Variants in ACTR3C observed in about 807,000 individuals in gnomAD.
The protein encoded by ACTR3C is actin related protein 3C.
In ACTR3C, 18 loss-of-function variants were observed where a neutral mutation model predicts 26.3. The ratio of observed to expected loss-of-function variants is 0.68; its 90% confidence interval spans 0.47 to 1.01. The LOEUF (loss-of-function observed/expected upper bound fraction) is 1.01, where lower values mean the gene tolerates loss of function less well. ACTR3C is among the 50% of genes least tolerant of loss of function. ACTR3C has a pLI of 0.00. For synonymous variants in ACTR3C, 55 were observed against 94.5 expected (o/e 0.58, Z 2.42); for missense variants, 184 against 250.7 (o/e 0.73, Z 1.80).
the ACTR3C span, among the ~76,000 whole-genome samples, chr7:150,206,113 G>T: frequency 6.6e-6 from 1 of 152,162 alleles, no homozygotes; most frequent in Non-Finnish European, 1.5e-5. Context: ...ACTTTTCAGG[G>T]CCTCATGATT....
the ACTR3C span, among the ~76,000 whole-genome samples, chr7:150,132,808 T>C: frequency 6.6e-6 from 1 of 152,190 alleles, no homozygotes; most frequent in Non-Finnish European, 1.5e-5. Context: ...CATATGTTCC[T>C]TGCAGCACTA....
chr7:150,272,408 CGTT>C (rs1477547285), intron 6 of ACTR3C, among the ~76,000 whole-genome samples: 5 of 139,274 alleles, frequency 3.6e-5, no homozygotes, highest in African/African-American at 9.2e-5. Flanking sequence ...AGGATTAAAA[CGTT>C]GTCTGAGCTT....
At chr7:149,928,743 T>C in the ACTR3C span, among the ~76,000 whole-genome samples, 8 of 151,506 alleles carry the variant, frequency 5.3e-5, no homozygotes, top group Non-Finnish European at 1.5e-5. Context: ...CTCAGGAGGC[T>C]GGGGCAGGAG....
chr7:150,067,222 A>G, the ACTR3C span, among the ~76,000 whole-genome samples: 2 of 152,248 alleles, frequency 1.3e-5, no homozygotes, highest in Non-Finnish European at 2.9e-5. Context: ...CTTACATTGA[A>G]TTTAAATGCT....
the ACTR3C span, among the ~76,000 whole-genome samples, chr7:149,978,052 A>G: frequency 3.3e-5 from 5 of 151,332 alleles, no homozygotes; most frequent in African/African-American, 1.2e-4. Flanking sequence ...TTCTAGTTTG[A>G]TGTTGTGAGA....
Position 150,286,236 on chromosome 7 carries a change from G to C in ACTR3C, c.471+131C>G, listed in dbSNP as rs574072331. ...AATCTGTCAAGCAGACAAACTGCAT[G>C]GGGGATGCAGAGAGACCGAATGACG... On this transcript the variant is annotated intron_variant, in intron 5 of 7. Transcript: ENST00000683684. 7.0e-3 allele frequency: 8,647 copies of C among 1,243,134 alleles called. 516 individuals carry two copies. In the African/African-American group the frequency reaches 0.13, roughly 19 times the overall value. 77.0% of individuals were successfully genotyped at this position (1,243,134 alleles called of 1,614,324 possible). A position where few individuals can be genotyped will look rare whatever the true frequency, so the allele number is the denominator to read the frequency against.
chr7:150,223,591 T>C, the ACTR3C span, among the ~76,000 whole-genome samples: 1 of 151,936 alleles, frequency 6.6e-6, no homozygotes, highest in Admixed American at 6.6e-5. Context: ...GAGATGCTAC[T>C]TGACTTACAA....
the ACTR3C span, among the ~76,000 whole-genome samples, chr7:150,128,233 C>G: frequency 1.3e-5 from 2 of 152,082 alleles, no homozygotes; most frequent in Admixed American, 6.5e-5. Flanking sequence ...CCTCCTGCCC[C>G]TCAGCTCCTT....
chr7:149,890,258 AT>A, the ACTR3C span, among the ~76,000 whole-genome samples: 1 of 151,732 alleles, frequency 6.6e-6, no homozygotes, highest in Non-Finnish European at 1.5e-5. Flanking sequence ...ACTGCCCTCT[AT>A]AAAGCAAGCA....
chr7:149,891,659 T>C, the ACTR3C span, among the ~76,000 whole-genome samples: 1 of 151,062 alleles, frequency 6.6e-6, no homozygotes, highest in African/African-American at 2.4e-5. Flanking sequence ...ACACTGTCTC[T>C]ACAAAAAATT....
chr7:149,966,391 G>C, the ACTR3C span, among the ~76,000 whole-genome samples: 1 of 152,220 alleles, frequency 6.6e-6, no homozygotes, highest in African/African-American at 2.4e-5. Context: ...TGAGAAACAT[G>C]AGTGTTTCGG....
chr7:150,188,766 T>C, the ACTR3C span, among the ~76,000 whole-genome samples: 1 of 151,686 alleles, frequency 6.6e-6, no homozygotes, highest in Non-Finnish European at 1.5e-5. Context: ...AAAATGGGTA[T>C]ATTTTACTCT....
the ACTR3C span, among the ~76,000 whole-genome samples, chr7:150,067,113 G>T: frequency 6.6e-6 from 1 of 152,250 alleles, no homozygotes; most frequent in African/African-American, 2.4e-5. Flanking sequence ...TCATGAGGAG[G>T]ATGTAGAGCC....
the ACTR3C span, among the ~76,000 whole-genome samples, chr7:150,021,432 T>G: frequency 6.6e-6 from 1 of 150,838 alleles, no homozygotes; most frequent in Non-Finnish European, 1.5e-5. Flanking sequence ...TGAGAGTTAT[T>G]GTCTATTTCA....
At chr7:150,198,720 C>G in the ACTR3C span, among the ~76,000 whole-genome samples, 1 of 149,166 alleles carries the variant, frequency 6.7e-6, no homozygotes, top group Non-Finnish European at 1.5e-5. Context: ...AGGAGCGTCT[C>G]CGCCCGGCAG....
the ACTR3C span, among the ~76,000 whole-genome samples, chr7:149,896,034 C>CAAAAAA: frequency 1.6e-4 from 13 of 83,068 alleles, no homozygotes; most frequent in South Asian, 1.0e-3. Flanking sequence ...CCTGTCTCTA[C>CAAAAAA]AAAAAAAAAA....
At chr7:150,080,686 T>C in the ACTR3C span, among the ~76,000 whole-genome samples, 3 of 152,138 alleles carry the variant, frequency 2.0e-5, no homozygotes, top group African/African-American at 7.2e-5. Flanking sequence ...AGATTCCACA[T>C]GATCACTCAG....
the ACTR3C span, among the ~76,000 whole-genome samples, chr7:150,154,085 AG>A: frequency 2.4e-5 from 2 of 83,072 alleles, no homozygotes; most frequent in African/African-American, 4.7e-5. Context: ...GGGTGGGGGG[AG>A]GGGGGAGGGA....
the ACTR3C span, among the ~76,000 whole-genome samples, chr7:150,039,997 T>C: frequency 7.3e-5 from 10 of 137,798 alleles, 2 homozygotes; most frequent in Non-Finnish European, 1.4e-4. Flanking sequence ...CCCACTGCGA[T>C]AGTGGTCCCA....
Sources: allele counts gnomAD v4.1 joint callset (sites outside exome capture counted in the v4.1 genomes callset), GRCh38; gene constraint gnomAD v4.1.1; transcripts MANE v1.5; gene names NCBI Gene and HGNC (gene_info 2026-07-23, HGNC 2026-07-21).